Variants in SYNE1 observed in about 807,000 individuals in gnomAD.
SYNE1 encodes the protein spectrin repeat containing nuclear envelope protein 1, also known as nesprin-1.
SYNE1 carries 616 observed loss-of-function variants against 1,111.0 expected under a neutral mutation model. The observed-to-expected ratio is 0.55, with a 90% CI of 0.52 to 0.59. The LOEUF (loss-of-function observed/expected upper bound fraction) is 0.59, where lower values mean the gene tolerates loss of function less well. Among genes scored for constraint, SYNE1 ranks in the 20% least tolerant of loss-of-function variants. The probability of loss-of-function intolerance (pLI) is 0.00; values close to 1 mark genes in which losing one functional copy is unlikely to be tolerated. For missense variants in SYNE1, 10,006 were observed against 10,417.0 expected, an observed-to-expected ratio of 0.96 and a Z score of 1.72; for synonymous variants, 3,855 against 3,825.8, an observed-to-expected ratio of 1.01 and a Z score of -0.28.
chr6:152,444,066 T>C (rs12526147), intron 30 of SYNE1, among the ~76,000 whole-genome samples: 29,605 of 152,146 alleles, frequency 0.19, 3,527 homozygotes, highest in East Asian at 0.37. Context: ...TAGGAAGCAA[T>C]TGGTCCATCT....
At chr6:152,286,054 T>C (rs2094308820) in intron 95 of SYNE1, among the ~76,000 whole-genome samples, 1 of 152,236 alleles carries the variant, frequency 6.6e-6, no homozygotes, top group African/African-American at 2.4e-5. Flanking sequence ...TCACTGTAAG[T>C]GCAGTGCCTC....
chr6:152,587,759 A>T (rs1461692156), intron 3 of SYNE1, among the ~76,000 whole-genome samples: 1 of 152,188 alleles, frequency 6.6e-6, no homozygotes, highest in Admixed American at 6.5e-5. Context: ...TTGTGGTGGC[A>T]GGCAGCATTA....
chr6:152,263,862 A>G (rs1412832664), intron 100 of SYNE1, among the ~76,000 whole-genome samples: 4 of 152,274 alleles, frequency 2.6e-5, no homozygotes. Context: ...AAGAGAATAC[A>G]TGCATAAGGC....
intron 20 of SYNE1, 116 bp from the exon 21 acceptor site, chr6:152,461,856 A>G (rs2098735997): frequency 1.5e-6 from 2 of 1,372,688 alleles, no homozygotes; most frequent in Admixed American, 3.5e-5. Flanking sequence ...CAATACTTAC[A>G]CTAAACTTTC....
At chr6:152,214,600 G>A (rs540939630) in intron 122 of SYNE1, among the ~76,000 whole-genome samples, 1 of 152,282 alleles carries the variant, frequency 6.6e-6, no homozygotes, top group South Asian at 2.1e-4. Context: ...GGGATTAAGG[G>A]TCTTTTAAAA....
At chr6:152,197,266 C>A (rs1338002766) in intron 127 of SYNE1, among the ~76,000 whole-genome samples, 1 of 152,172 alleles carries the variant, frequency 6.6e-6, no homozygotes, top group Non-Finnish European at 1.5e-5. Context: ...TATGAAGGCG[C>A]TTTCTTATGT....
At chr6:152,404,514 A>G (rs1389178534) in intron 45 of SYNE1, among the ~76,000 whole-genome samples, 200 bp from the exon 46 acceptor site, 1 of 152,052 alleles carries the variant, frequency 6.6e-6, no homozygotes, top group Non-Finnish European at 1.5e-5. Context: ...GGGAATGTGA[A>G]GGAGTGTGCA....
At chr6:152,600,962 T>G (rs1049371315) in intron 3 of SYNE1, among the ~76,000 whole-genome samples, 4 of 152,222 alleles carry the variant, frequency 2.6e-5, no homozygotes, top group Non-Finnish European at 5.9e-5. Flanking sequence ...CTTTTCTAGA[T>G]GGGAAACATG....
chr6:152,602,319 C>A (rs2099598099), intron 3 of SYNE1, among the ~76,000 whole-genome samples: 1 of 152,030 alleles, frequency 6.6e-6, no homozygotes, highest in Non-Finnish European at 1.5e-5. Flanking sequence ...ACAGAAATAC[C>A]CATAGGAAGA....
chr6:152,541,998 C>T (rs1453744658), intron 3 of SYNE1, among the ~76,000 whole-genome samples: 3 of 151,960 alleles, frequency 2.0e-5, no homozygotes, highest in African/African-American at 7.3e-5. Context: ...AGTTTAATAC[C>T]TTCAAAAGAA....
At position 152,462,607 on chromosome 6, in the gene SYNE1, TG is replaced by T. The variant is rs138129555; in HGVS notation, c.2250+130del. 528 of 992,258 alleles carry T rather than the reference TG, an allele frequency of 5.3e-4. 1 individual carries two copies. The African/African-American group carries it at 7.5e-3, about 14-fold the overall frequency. The allele number at this position is 992,258 out of a possible 1,614,324, so 61.5% of individuals were successfully genotyped here. ...ACATTTTTTTCTGACAGGTGCAAAT[TG>T]GGACATACAGACATGTCAAAATGAT... On this transcript the variant is annotated intron_variant, in intron 20 of 145. Transcript: ENST00000367255.
intron 95 of SYNE1, among the ~76,000 whole-genome samples, chr6:152,287,966 T>C (rs1484232569): frequency 1.3e-5 from 2 of 152,242 alleles, no homozygotes; most frequent in Non-Finnish European, 2.9e-5. Flanking sequence ...AAGTATTTTT[T>C]ATACATTCAA....
chr6:152,317,064 T>C, intron 86 of SYNE1, 78 bp from the exon 87 acceptor site: 1 of 1,535,036 alleles, frequency 6.5e-7, no homozygotes, highest in Non-Finnish European at 9.0e-7. Flanking sequence ...TCTCTCTCTT[T>C]GGACACAACA....
intron 16 of SYNE1, among the ~76,000 whole-genome samples, chr6:152,469,584 A>T (rs1472274785): frequency 6.6e-6 from 1 of 152,180 alleles, no homozygotes; most frequent in African/African-American, 2.4e-5. Flanking sequence ...ACCAATATTA[A>T]ATTGAACTGA....
At chr6:152,498,860 A>T (rs964018593) in intron 10 of SYNE1, 68 bp from the exon 11 acceptor site, 5 of 978,092 alleles carry the variant, frequency 5.1e-6, no homozygotes, top group South Asian at 2.4e-5. Flanking sequence ...TTTAGAAAAC[A>T]AGAATAAAAT....
In SYNE1 at chr6:152,135,339, C is replaced by T. The variant is rs2056808996; in HGVS notation, c.25660-107G>A. ...TAGCAAACATACTTGGTTTTAAGAA[C>T]ATACATGCAACTCCTTTCTGAGGAA... On this transcript the variant is annotated intron_variant, in intron 141 of 145. Coordinates refer to ENST00000367255, the MANE Select transcript of SYNE1 (RefSeq NM_182961.4). 1.2e-5 allele frequency: 16 copies of T among 1,297,724 alleles called. No homozygotes were observed. The Middle Eastern group carries it at 1.9e-3, about 155-fold the overall frequency. The allele number at this position is 1,297,724 out of a possible 1,614,324, so 80.4% of individuals were successfully genotyped here.
intron 3 of SYNE1, among the ~76,000 whole-genome samples, chr6:152,583,629 T>A (rs2146248): frequency 0.68 from 103,267 of 152,052 alleles, 36,059 homozygotes; most frequent in African/African-American, 0.84. Flanking sequence ...GGTTCCAGAA[T>A]TTCTCCTACC....
intron 140 of SYNE1, 60 bp downstream of exon 140, chr6:152,139,890 A>G (rs2058176671): frequency 1.3e-6 from 2 of 1,578,688 alleles, no homozygotes; most frequent in East Asian, 4.5e-5. Flanking sequence ...TGCCATCTGC[A>G]CGGTCGTTCA....
chr6:152,603,875 T>TATGTATATATAGATAGATATA (rs2099603147), intron 3 of SYNE1, among the ~76,000 whole-genome samples: 2 of 145,114 alleles, frequency 1.4e-5, no homozygotes, highest in Non-Finnish European at 1.5e-5. Flanking sequence ...AGATATACTA[T>TATGTATATATAGATAGATATA]CTATCTATAC....
Sources: gnomAD v4.1 joint callset for allele counts (sites outside exome capture counted in the v4.1 genomes callset) on GRCh38, gnomAD v4.1.1 for gene constraint, MANE v1.5 for transcripts, NCBI Gene and HGNC (gene_info 2026-07-23, HGNC 2026-07-21) for gene names.